The following PCDHA2 variants were observed in gnomAD, a reference collection of about 807,000 sequenced individuals.
PCDHA2 encodes the protein protocadherin alpha-2.
Under a neutral mutation model 66.0 loss-of-function variants are expected in PCDHA2, and 58 were observed. That is an observed-to-expected ratio of 0.88 (90% CI 0.71 to 1.09). PCDHA2 has a LOEUF of 1.09. PCDHA2 is among the 50% of genes least tolerant of loss of function. PCDHA2 has a pLI of 0.00. For synonymous variants in PCDHA2, 634 were observed against 554.0 expected (o/e 1.14, Z -2.03); for missense variants, 1,267 against 1,242.3 (o/e 1.02, Z -0.30).
intron 1 of PCDHA2, among the ~76,000 whole-genome samples, chr5:140,827,481 A>G (rs2150147833): frequency 1.8e-4 from 28 of 152,370 alleles, no homozygotes; most frequent in African/African-American, 6.5e-4. Flanking sequence ...TTGAACAAAG[A>G]AAGCATGGAC....
chr5:140,883,147 T>C, intron 1 of PCDHA2: 2 of 1,614,064 alleles, frequency 1.2e-6, no homozygotes, highest in Non-Finnish European at 1.7e-6. Context: ...TATATGCATT[T>C]ACCATAAATC....
At chr5:140,927,854 C>T (rs1047804872) in intron 1 of PCDHA2, 1 of 1,614,222 alleles carries the variant, frequency 6.2e-7, no homozygotes, top group South Asian at 1.1e-5. Flanking sequence ...TTTGGTTTAG[C>T]TAGCACCGCT....
chr5:140,863,234 G>A (rs782122852), intron 1 of PCDHA2: 1 of 1,250,682 alleles, frequency 8.0e-7, no homozygotes. Flanking sequence ...GTCCCATCGC[G>A]GGCTTTGGCG....
At chr5:140,842,375 C>T (rs1430792130) in intron 1 of PCDHA2, 3 of 1,609,572 alleles carry the variant, frequency 1.9e-6, no homozygotes, top group Non-Finnish European at 2.6e-6. Flanking sequence ...TGAGATAGCA[C>T]TGACTTCCTT....
intron 1 of PCDHA2, chr5:140,841,491 C>G: frequency 6.2e-7 from 1 of 1,613,066 alleles, no homozygotes; most frequent in Non-Finnish European, 8.5e-7. Flanking sequence ...CTGGAGCTGG[C>G]GGAGCTGGTG....
intron 1 of PCDHA2, chr5:140,967,136 C>T (rs782698899): frequency 6.8e-6 from 11 of 1,611,568 alleles, no homozygotes; most frequent in Non-Finnish European, 9.3e-6. Context: ...CTTGGAAGTG[C>T]TGGCGCACAA....
intron 1 of PCDHA2, chr5:140,848,367 G>T: frequency 9.1e-7 from 1 of 1,100,452 alleles, no homozygotes; most frequent in Non-Finnish European, 1.3e-6. Context: ...TGGGAAAGAG[G>T]CTCAATTCTT....
intron 1 of PCDHA2, chr5:140,863,421 C>A (rs564217392): frequency 7.2e-6 from 5 of 689,680 alleles, no homozygotes; most frequent in Admixed American, 1.9e-5. Context: ...TGTACCGCAG[C>A]GTAGTGGGAT....
chr5:140,876,031 G>T (rs1554168208), intron 1 of PCDHA2: 1 of 1,613,702 alleles, frequency 6.2e-7, no homozygotes. Flanking sequence ...AACAAAAAAA[G>T]ATAAAAGTAT....
At chr5:140,798,780 G>A (rs1554120761) in intron 1 of PCDHA2, among the ~76,000 whole-genome samples, 3 of 152,174 alleles carry the variant, frequency 2.0e-5, no homozygotes, top group Non-Finnish European at 2.9e-5. Context: ...ACAAGTAAAT[G>A]TTACACTTGG....
At chr5:140,987,232 A>G (rs1554248942) in intron 3 of PCDHA2, among the ~76,000 whole-genome samples, 1 of 151,894 alleles carries the variant, frequency 6.6e-6, no homozygotes, top group African/African-American at 2.4e-5. Flanking sequence ...AAAAAATAAT[A>G]AATAAAGAAA....
intron 1 of PCDHA2, chr5:140,877,539 C>G (rs1562735979): frequency 2.5e-6 from 4 of 1,613,788 alleles, no homozygotes; most frequent in South Asian, 1.1e-5. Flanking sequence ...CTGTGGATCC[C>G]GAAGCGGCTC....
chr5:140,822,978 G>A (rs2150120962), intron 1 of PCDHA2: 13 of 1,614,232 alleles, frequency 8.1e-6, no homozygotes, highest in Non-Finnish European at 1.0e-5. Flanking sequence ...CCACCTTCAA[G>A]AATTACTACT....
chr5:140,880,736 T>C (rs1554171410), intron 1 of PCDHA2, among the ~76,000 whole-genome samples: 4 of 152,068 alleles, frequency 2.6e-5, no homozygotes, highest in Non-Finnish European at 5.9e-5. Context: ...ATAGAGAAAA[T>C]GGATTGTCAG....
chr5:140,990,671 C>T (rs2097406151), intron 3 of PCDHA2, among the ~76,000 whole-genome samples: 2 of 152,176 alleles, frequency 1.3e-5, no homozygotes, highest in South Asian at 4.1e-4. Flanking sequence ...ATTAGATGCA[C>T]ACCAAGCTGC....
Position 140,935,377 on chromosome 5 carries a change from C to T in PCDHA2, c.2389-43572C>T, listed in dbSNP as rs139207351. On this transcript the variant is annotated intron_variant, in intron 1 of 3. Coordinates refer to ENST00000526136, the MANE Select transcript of PCDHA2 (RefSeq NM_018905.3). ...GTTTTCATTAACGTCAACAGAATTA[C>T]TCATTTGTTATCCCACGGGACTCAA... is the stretch of plus-strand genomic sequence containing the variant. Among the ~76,000 whole-genome samples the T allele has an allele frequency of 1.3e-4, 20 of 152,332 alleles. No individual in the cohort carries two copies. In the East Asian group the frequency reaches 3.1e-3, roughly 23 times the overall value.
intron 1 of PCDHA2, chr5:140,848,806 T>G (rs2150421063): frequency 1.3e-6 from 2 of 1,591,932 alleles, no homozygotes; most frequent in African/African-American, 2.7e-5. Flanking sequence ...GAGTGCAGCA[T>G]CCACCTGGAG....
At chr5:140,917,014 T>C (rs1272670553) in intron 1 of PCDHA2, among the ~76,000 whole-genome samples, 1 of 152,168 alleles carries the variant, frequency 6.6e-6, no homozygotes, top group Non-Finnish European at 1.5e-5. Context: ...TCTCCCTTCA[T>C]GTGCAGCTGC....
intron 3 of PCDHA2, among the ~76,000 whole-genome samples, chr5:141,008,201 A>T (rs2098364434): frequency 6.6e-6 from 1 of 152,212 alleles, no homozygotes; most frequent in Admixed American, 6.5e-5. Context: ...TAATATAATG[A>T]ACTTGACATG....
Sources: gnomAD v4.1 joint callset for allele counts (sites outside exome capture counted in the v4.1 genomes callset) on GRCh38, gnomAD v4.1.1 for gene constraint, MANE v1.5 for transcripts, NCBI Gene and HGNC (gene_info 2026-07-23, HGNC 2026-07-21) for gene names.